DST: variants seen among roughly 807,000 people sequenced by gnomAD.
DST encodes dystonin.
DST carries 253 observed loss-of-function variants against 875.2 expected under a neutral mutation model. That is an observed-to-expected ratio of 0.29 (90% CI 0.26 to 0.32). The LOEUF (loss-of-function observed/expected upper bound fraction) is 0.32. Ranked by LOEUF, DST falls within the 10% of genes least tolerant of loss-of-function variation. The pLI is 1.00. For missense variants in DST, 8,287 were observed against 9,111.6 expected (o/e 0.91, Z 3.68); for synonymous variants, 3,124 against 3,197.1 (o/e 0.98, Z 0.77).
chr6:56,603,120 A>G (rs2098460730), intron 42 of DST, 85 bp downstream of exon 42: 4 of 1,536,794 alleles, frequency 2.6e-6, no homozygotes, highest in South Asian at 1.2e-5. Context: ...TTAGCACTCT[A>G]AAACTAAAAT....
rs192194640 is a variant in DST at position 56,638,770 on chromosome 6, A to G, written c.2964+489T>C. The G allele has an allele frequency of 3.6e-3, 651 of 182,826 alleles. 1 individual carries two copies. The highest frequency in any genetic ancestry group is 5.0e-3 in the Non-Finnish European group (434 of 86,528). 11.3% of individuals were successfully genotyped at this position (182,826 alleles called of 1,614,324 possible). A position where few individuals can be genotyped will look rare whatever the true frequency, so the allele number is the denominator to read the frequency against. ...TACACCTCACAAAACCAGAGCATAA[A>G]TAAAAGTATTAAATTGAATCATAAC... On this transcript the variant is annotated intron_variant, in intron 22 of 103. Transcript: ENST00000680361.
chr6:56,898,280 A>G (rs1378979093), intron 3 of DST, among the ~76,000 whole-genome samples: 1 of 152,224 alleles, frequency 6.6e-6, no homozygotes, highest in Non-Finnish European at 1.5e-5. Context: ...GTCAGTCTCA[A>G]AAGATGAACT....
intron 5 of DST, among the ~76,000 whole-genome samples, chr6:56,717,415 T>G (rs1469139581): frequency 6.6e-6 from 1 of 151,678 alleles, no homozygotes; most frequent in African/African-American, 2.4e-5. Context: ...AAACCCCTGG[T>G]TTAAATGATA....
intron 88 of DST, chr6:56,483,993 A>G (rs1011518602): frequency 6.6e-6 from 1 of 152,174 alleles, no homozygotes; most frequent in East Asian, 1.9e-4. Context: ...CTAGTCCAAT[A>G]GTTTTCAGAA....
chr6:56,569,595 G>A (rs2097750040), intron 54 of DST, among the ~76,000 whole-genome samples: 1 of 152,116 alleles, frequency 6.6e-6, no homozygotes, highest in Non-Finnish European at 1.5e-5. Context: ...GATTTGGTAG[G>A]AAAGGAAACT....
At chr6:56,648,326 T>C (rs2098955957) in intron 13 of DST, among the ~76,000 whole-genome samples, 1 of 152,092 alleles carries the variant, frequency 6.6e-6, no homozygotes, top group African/African-American at 2.4e-5. Flanking sequence ...AGAGACTCTC[T>C]CAAATTAAAC....
intron 16 of DST, 57 bp from the exon 17 acceptor site, chr6:56,642,158 A>C: frequency 7.1e-7 from 1 of 1,408,128 alleles, no homozygotes; most frequent in Non-Finnish European, 1.0e-6. Context: ...AAACAACCTG[A>C]AATATAAAAC....
intron 5 of DST, among the ~76,000 whole-genome samples, chr6:56,706,358 A>C (rs567945442): frequency 6.6e-6 from 1 of 152,174 alleles, no homozygotes; most frequent in South Asian, 2.1e-4. Context: ...CCTGTAAATA[A>C]CCAAATAAGT....
chr6:56,727,217 C>G (rs1281628441), intron 5 of DST, among the ~76,000 whole-genome samples: 1 of 152,174 alleles, frequency 6.6e-6, no homozygotes, highest in Non-Finnish European at 1.5e-5. Context: ...AGCCACCTCC[C>G]CACTTTGAGT....
Position 56,611,516 on chromosome 6 carries a change from A to G in DST, c.5139T>C (p.His1713=). The change falls in exon 38 of 104, where the codon CAT becomes CAC. Residue 1713 remains histidine (H), a synonymous_variant. Coordinates refer to ENST00000680361, the MANE Select transcript of DST (RefSeq NM_001374736.1). ...AACTACAACCAACATACTTGTCTCC[A>G]TGTTTTGCCAAAAAAAGCTGTATAG... is the stretch of plus-strand genomic sequence containing the variant. ...LQTIQLFLAK[H]GDKMTDEERN... The G allele has an allele frequency of 1.2e-6, 2 of 1,610,332 alleles. No homozygotes were observed. Among genetic ancestry groups the G allele is most frequent in the Non-Finnish European group, 8.5e-7 (1 of 1,177,160 alleles).
chr6:56,791,315 T>C (rs1420198556), intron 4 of DST, among the ~76,000 whole-genome samples: 1 of 152,128 alleles, frequency 6.6e-6, no homozygotes, highest in Non-Finnish European at 1.5e-5. Context: ...GTATAGTAAC[T>C]GAGACACTGT....
chr6:56,708,033 GT>G (rs2099348248), intron 5 of DST, among the ~76,000 whole-genome samples: 1 of 152,124 alleles, frequency 6.6e-6, no homozygotes, highest in South Asian at 2.1e-4. Flanking sequence ...GCTGGGCATG[GT>G]GGCAGTGAGC....
intron 90 of DST, among the ~76,000 whole-genome samples, chr6:56,478,357 G>T (rs768241399): frequency 6.6e-6 from 1 of 152,086 alleles, no homozygotes; most frequent in Non-Finnish European, 1.5e-5. Flanking sequence ...GGAAGAGTGA[G>T]CCTGACAGCA....
At chr6:56,932,753 C>G (rs939857855) in intron 2 of DST, among the ~76,000 whole-genome samples, 5 of 151,670 alleles carry the variant, frequency 3.3e-5, no homozygotes, top group African/African-American at 1.2e-4. Context: ...TGTAAATCCC[C>G]ATATCTGGTG....
chr6:56,577,385 T>C (rs754079382), intron 50 of DST, among the ~76,000 whole-genome samples: 2 of 152,344 alleles, frequency 1.3e-5, no homozygotes, highest in Non-Finnish European at 2.9e-5. Flanking sequence ...GAACAAAATG[T>C]TAGAACTTCC....
chr6:56,857,758 A>G (rs925718171), intron 3 of DST, among the ~76,000 whole-genome samples: 3 of 152,218 alleles, frequency 2.0e-5, no homozygotes, highest in Non-Finnish European at 4.4e-5. Flanking sequence ...TGTTGTATCA[A>G]AATATATGGT....
At chr6:56,892,716 T>C (rs1402598367) in intron 3 of DST, among the ~76,000 whole-genome samples, 1 of 152,192 alleles carries the variant, frequency 6.6e-6, no homozygotes, top group Non-Finnish European at 1.5e-5. Context: ...GGTCCCCTCT[T>C]TGTTCTCTGA....
intron 60 of DST, 133 bp downstream of exon 60, chr6:56,555,212 T>G (rs1161507668): frequency 3.1e-5 from 30 of 962,550 alleles, no homozygotes; most frequent in Admixed American, 5.8e-5. Flanking sequence ...CCTGTATTCA[T>G]CCTCCTCTTC....
At position 56,606,739 on chromosome 6, in the gene DST, C is replaced by T. The variant is rs765098901; in HGVS notation, c.7889G>A (p.Gly2630Asp). 2 of 1,613,416 alleles carry T rather than the reference C, an allele frequency of 1.2e-6. No homozygotes were observed. The highest frequency in any genetic ancestry group is 2.2e-5 in the East Asian group (1 of 44,868). ...DDDHDSLLLD[G>D]DDRDCLHPED... ...AGGGTGCAGGCAATCACGATCATCACCATCAAGAAGCAAAGAATCATGGTC... is the reference window on the plus strand; with the variant it reads ...AGGGTGCAGGCAATCACGATCATCATCATCAAGAAGCAAAGAATCATGGTC... Residue 2630 changes from glycine (G) to aspartate (D), a missense_variant, in exon 40 of 104, where the codon GGT becomes GAT. By Grantham distance (94) the Gly-to-Asp change is moderately conservative. Coordinates refer to ENST00000680361, the MANE Select transcript of DST (RefSeq NM_001374736.1).
Sources: allele counts gnomAD v4.1 joint callset (sites outside exome capture counted in the v4.1 genomes callset), GRCh38; gene constraint gnomAD v4.1.1; transcripts MANE v1.5; gene names NCBI Gene and HGNC (gene_info 2026-07-23, HGNC 2026-07-21).